The following CPLANE1 variants were observed in gnomAD, a reference collection of about 807,000 sequenced individuals.
CPLANE1 encodes ciliogenesis and planar polarity effector 1.
In CPLANE1, 263 loss-of-function variants were observed where a neutral mutation model predicts 362.5. The observed-to-expected ratio is 0.73, with a 90% CI of 0.66 to 0.80. CPLANE1 has a LOEUF of 0.80. Among genes scored for constraint, CPLANE1 ranks in the 30% least tolerant of loss-of-function variants. The pLI is 0.00. For synonymous variants in CPLANE1, 1,212 were observed against 1,302.6 expected, an observed-to-expected ratio of 0.93 and a Z score of 1.50; for missense variants, 3,461 against 3,793.4, an observed-to-expected ratio of 0.91 and a Z score of 2.30.
chr5:37,182,188 C>G (rs765867508), intron 26 of CPLANE1, among the ~76,000 whole-genome samples: 16 of 152,106 alleles, frequency 1.1e-4, no homozygotes, highest in Non-Finnish European at 1.9e-4. Flanking sequence ...CACATACACA[C>G]ACACACATAC....
At chr5:37,234,160 C>T (rs1798376906) in intron 8 of CPLANE1, among the ~76,000 whole-genome samples, 1 of 151,912 alleles carries the variant, frequency 6.6e-6, no homozygotes, top group Non-Finnish European at 1.5e-5. Flanking sequence ...CAATGGAATG[C>T]CACAGAAAAC....
chr5:37,217,841 G>A lies in CPLANE1; in HGVS notation c.2746+3483C>T, dbSNP rs143929164. ...AAAATAGAAAAAAAATTAGCCAGGT[G>A]TGGTGGCAGGAGCCTGTAATCCCAG... On this transcript the variant is annotated intron_variant, in intron 15 of 52. Transcript: ENST00000651892. Among the ~76,000 whole-genome samples, 1,484 of 151,278 alleles carry A rather than the reference G, an allele frequency of 9.8e-3. 28 individuals are homozygous for A. Among genetic ancestry groups the A allele is most frequent in the African/African-American group, 0.034 (1,401 of 41,192 alleles).
intron 29 of CPLANE1, among the ~76,000 whole-genome samples, chr5:37,178,307 T>G (rs1018965072): frequency 6.7e-6 from 1 of 148,258 alleles, no homozygotes; most frequent in Non-Finnish European, 1.5e-5. Context: ...AAAATAAAAA[T>G]AAAAATAAAA....
In CPLANE1 at chr5:37,202,394, G is replaced by C. The variant is rs185651538; in HGVS notation, c.3290-586C>G. On this transcript the variant is annotated intron_variant, in intron 18 of 52. Transcript: ENST00000651892. ...GCTGGTCTTGAACTCCTGATCTCAG[G>C]TGATCCACCTAGCCTCCTAAAGTCC... is the stretch of plus-strand genomic sequence containing the variant. Among the ~76,000 whole-genome samples the C allele has an allele frequency of 2.6e-5, 4 of 152,186 alleles. No individual in the cohort carries two copies. In the East Asian group the frequency reaches 7.7e-4, roughly 29 times the overall value.
chr5:37,216,562 C>T (rs1282785090), intron 15 of CPLANE1, among the ~76,000 whole-genome samples: 2 of 150,828 alleles, frequency 1.3e-5, no homozygotes, highest in Non-Finnish European at 2.9e-5. Context: ...CACACGCACA[C>T]AAATGTGTGG....
chr5:37,185,598 CA>C (rs1036834359), intron 24 of CPLANE1, among the ~76,000 whole-genome samples: 14 of 150,926 alleles, frequency 9.3e-5, no homozygotes, highest in East Asian at 5.8e-4. Flanking sequence ...TAGAGGATGT[CA>C]AAAAAAAGTA....
At chr5:37,178,442 TG>T (rs1781793768) in intron 29 of CPLANE1, among the ~76,000 whole-genome samples, 1 of 151,178 alleles carries the variant, frequency 6.6e-6, no homozygotes, top group African/African-American at 2.4e-5. Context: ...TACAAAAAAA[TG>T]TTTTTTTTTT....
rs1429180153 is a variant in CPLANE1 at position 37,198,684 on chromosome 5, A to G, written c.3672+18T>C. The G allele has an allele frequency of 6.2e-7, 1 of 1,603,216 alleles. No individual in the cohort carries two copies. Among genetic ancestry groups the G allele is most frequent in the African/African-American group, 1.3e-5 (1 of 74,584 alleles). On this transcript the variant is annotated intron_variant, in intron 20 of 52. Transcript: ENST00000651892. Reference sequence around the variant, plus strand: ...TTTCAGTTAACACAGCATGTAAATGACTAAGATATTTCCATACCTTCTGCA... The same window carrying G: ...TTTCAGTTAACACAGCATGTAAATGGCTAAGATATTTCCATACCTTCTGCA...
chr5:37,188,402 T>C (rs761337509), intron 21 of CPLANE1, among the ~76,000 whole-genome samples: 2 of 152,226 alleles, frequency 1.3e-5, no homozygotes, highest in East Asian at 1.9e-4. Flanking sequence ...CTATGGTTAA[T>C]AGGACCTTTT....
At chr5:37,174,028 G>A (rs1780493308) in intron 31 of CPLANE1, 81 bp from the exon 32 acceptor site, 1 of 1,202,644 alleles carries the variant, frequency 8.3e-7, no homozygotes, top group Non-Finnish European at 1.2e-6. Flanking sequence ...AGAATATTTT[G>A]ATCCCACTTT....
chr5:37,121,397 G>A (rs969314380), intron 49 of CPLANE1, among the ~76,000 whole-genome samples: 1 of 152,232 alleles, frequency 6.6e-6, no homozygotes, highest in Non-Finnish European at 1.5e-5. Flanking sequence ...TAAATGCTCT[G>A]TAAGCTTAGT....
intron 15 of CPLANE1, among the ~76,000 whole-genome samples, chr5:37,218,581 C>G (rs1036562139): frequency 6.6e-6 from 1 of 152,106 alleles, no homozygotes; most frequent in Admixed American, 6.6e-5. Context: ...ACCATCAAAT[C>G]TAGGGGGTAA....
At chr5:37,165,408 T>C (rs559734060) in intron 36 of CPLANE1, 131 bp downstream of exon 36, 16 of 838,666 alleles carry the variant, frequency 1.9e-5, no homozygotes, top group East Asian at 1.0e-4. Flanking sequence ...GGGACTGATA[T>C]ACTGAATGAT....
chr5:37,121,791 A>G lies in CPLANE1; in HGVS notation c.9018-7T>C. On this transcript the variant is annotated splice_polypyrimidine_tract_variant and splice_region_variant and intron_variant, in intron 48 of 52. Coordinates refer to ENST00000651892, the MANE Select transcript of CPLANE1 (RefSeq NM_001384732.1). ...GTGTTCAGAGAGCAGCAATCTGTAG[A>G]CAAAGAATTAAGCATCATTTATTAA... The G allele has an allele frequency of 1.2e-6, 2 of 1,610,926 alleles. No individual in the cohort carries two copies. Among genetic ancestry groups the G allele is most frequent in the South Asian group, 1.1e-5 (1 of 90,958 alleles).
chr5:37,227,414 A>G, intron 10 of CPLANE1, 22 bp from the exon 11 acceptor site: 1 of 1,516,036 alleles, frequency 6.6e-7, no homozygotes, highest in Non-Finnish European at 8.8e-7. Flanking sequence ...AAGATGAAAG[A>G]TTTCCAAGAG....
intron 32 of CPLANE1, among the ~76,000 whole-genome samples, chr5:37,173,323 C>A (rs1460700049): frequency 6.6e-6 from 1 of 152,082 alleles, no homozygotes; most frequent in East Asian, 1.9e-4. Flanking sequence ...GAGTAGGAGC[C>A]CACTAATCTG....
chr5:37,208,191 C>A (rs1311249719), intron 16 of CPLANE1, among the ~76,000 whole-genome samples: 1 of 152,206 alleles, frequency 6.6e-6, no homozygotes, highest in Non-Finnish European at 1.5e-5. Flanking sequence ...CTCAAGCAAT[C>A]GGCCTGGCTT....
intron 14 of CPLANE1, among the ~76,000 whole-genome samples, chr5:37,221,941 A>G (rs547814107): frequency 1.3e-5 from 2 of 152,274 alleles, no homozygotes; most frequent in African/African-American, 2.4e-5. Context: ...TTTTATCTCA[A>G]GTATACACAG....
At chr5:37,126,076 A>T (rs1315613925) in intron 46 of CPLANE1, among the ~76,000 whole-genome samples, 1 of 149,742 alleles carries the variant, frequency 6.7e-6, no homozygotes, top group East Asian at 1.9e-4. Flanking sequence ...CATCTCTATT[A>T]AAAAAAAAAT....
Sources: allele counts gnomAD v4.1 joint callset (sites outside exome capture counted in the v4.1 genomes callset), GRCh38; gene constraint gnomAD v4.1.1; transcripts MANE v1.5; gene names NCBI Gene and HGNC (gene_info 2026-07-23, HGNC 2026-07-21).